DLGAP2: variants seen among roughly 807,000 people sequenced by gnomAD.
The protein encoded by DLGAP2 is disks large-associated protein 2.
Under a neutral mutation model 100.3 loss-of-function variants are expected in DLGAP2, and 26 were observed. The observed-to-expected ratio is 0.26, with a 90% CI of 0.19 to 0.36. The LOEUF is 0.36. DLGAP2 is among the 10% of genes least tolerant of loss of function. The pLI is 1.00. For missense variants in DLGAP2, 1,858 were observed against 1,453.2 expected (o/e 1.28, Z -4.53); for synonymous variants, 886 against 630.1 (o/e 1.41, Z -6.08).
At chr8:1,026,719 C>G (rs995497929) in intron 2 of DLGAP2, among the ~76,000 whole-genome samples, 2 of 152,186 alleles carry the variant, frequency 1.3e-5, no homozygotes, top group Admixed American at 1.3e-4. Flanking sequence ...ATATGGAATA[C>G]TGCACATGGC....
chr8:1,582,371 G>T (rs553359804), intron 6 of DLGAP2, among the ~76,000 whole-genome samples: 1 of 151,354 alleles, frequency 6.6e-6, no homozygotes, highest in South Asian at 2.1e-4. Flanking sequence ...GAAGAATAAA[G>T]AATTACAGCA....
Position 1,704,875 on chromosome 8 carries a change from G to A in DLGAP2, c.*3469G>A, listed in dbSNP as rs183648622. On this transcript the variant is annotated 3_prime_UTR_variant, in exon 15 of 15. Transcript: ENST00000637795. ...CAGGTTTATTATTAGAAGACACAGT[G>A]GCAGAGCACACATGTGCACAGGTTC... is the stretch of plus-strand genomic sequence containing the variant. 8 of 152,290 alleles carry A rather than the reference G, an allele frequency of 5.3e-5. No homozygotes were observed. The highest frequency in any genetic ancestry group is 5.2e-4 in the Admixed American group (8 of 15,296). The allele number at this position is 152,290 out of a possible 1,614,324, so 9.4% of individuals were successfully genotyped here. A position where few individuals can be genotyped will look rare whatever the true frequency, so the allele number is the denominator to read the frequency against.
intron 3 of DLGAP2, among the ~76,000 whole-genome samples, chr8:1,420,739 G>A (rs1797067303): frequency 6.6e-6 from 1 of 151,888 alleles, no homozygotes; most frequent in South Asian, 2.1e-4. Flanking sequence ...ACATAACTCA[G>A]CTCCCTGGCT....
intron 1 of DLGAP2, among the ~76,000 whole-genome samples, chr8:792,971 C>T (rs1283035990): frequency 6.6e-6 from 1 of 152,196 alleles, no homozygotes; most frequent in Non-Finnish European, 1.5e-5. Context: ...GAGTTGTCTT[C>T]CCCACCCTTC....
intron 1 of DLGAP2, among the ~76,000 whole-genome samples, chr8:769,809 T>A (rs1050044734): frequency 2.0e-5 from 3 of 152,088 alleles, no homozygotes; most frequent in African/African-American, 7.2e-5. Context: ...GAAGCCACAT[T>A]GTATGCATCC....
At chr8:1,036,442 C>A (rs1472697731) in intron 2 of DLGAP2, among the ~76,000 whole-genome samples, 1 of 152,228 alleles carries the variant, frequency 6.6e-6, no homozygotes, top group Admixed American at 6.5e-5. Flanking sequence ...TCCAGGGGAC[C>A]CTACACGGGG....
At chr8:909,215 C>T (rs931013812) in intron 2 of DLGAP2, among the ~76,000 whole-genome samples, 2 of 152,102 alleles carry the variant, frequency 1.3e-5, no homozygotes, top group African/African-American at 4.8e-5. Context: ...TTTTGGGCCT[C>T]TTTTTATTTT....
At chr8:1,671,486 G>A (rs1267382136) in intron 10 of DLGAP2, among the ~76,000 whole-genome samples, 1 of 152,212 alleles carries the variant, frequency 6.6e-6, no homozygotes, top group Non-Finnish European at 1.5e-5. Context: ...CGCCCTCTGT[G>A]AGTCACTGGC....
At chr8:1,632,174 A>T (rs923544737) in intron 7 of DLGAP2, among the ~76,000 whole-genome samples, 16 of 152,152 alleles carry the variant, frequency 1.1e-4, no homozygotes, top group South Asian at 2.1e-4. Flanking sequence ...AAGGAAGAAT[A>T]AAAAAAGCCT....
At chr8:1,506,052 ATACT>A (rs1398743053) in intron 4 of DLGAP2, among the ~76,000 whole-genome samples, 3 of 152,234 alleles carry the variant, frequency 2.0e-5, no homozygotes, top group African/African-American at 7.2e-5. Flanking sequence ...TATTAAAATA[ATACT>A]TAGAGCCTTC....
chr8:924,919 T>C (rs1346197701), intron 2 of DLGAP2, among the ~76,000 whole-genome samples: 1 of 152,184 alleles, frequency 6.6e-6, no homozygotes, highest in Non-Finnish European at 1.5e-5. Context: ...CCAGACGTTG[T>C]GAAGGCCTGC....
intron 6 of DLGAP2, among the ~76,000 whole-genome samples, chr8:1,605,303 G>C (rs150436908): frequency 1.3e-4 from 20 of 152,124 alleles, no homozygotes; most frequent in African/African-American, 4.3e-4. Context: ...AATTTGAGCC[G>C]AAGATGGTTA....
intron 1 of DLGAP2, among the ~76,000 whole-genome samples, chr8:850,036 C>G (rs1308527700): frequency 4.9e-4 from 72 of 146,472 alleles, no homozygotes; most frequent in Non-Finnish European, 9.6e-4. Context: ...GCACTCCAGC[C>G]TGGGCAACAG....
intron 2 of DLGAP2, among the ~76,000 whole-genome samples, chr8:1,104,515 G>T (rs1445774074): frequency 6.6e-6 from 1 of 152,194 alleles, no homozygotes; most frequent in African/African-American, 2.4e-5. Context: ...TCTTCAGAGG[G>T]ACTTGAACTC....
chr8:1,491,944 G>T (rs993149175), intron 3 of DLGAP2, among the ~76,000 whole-genome samples: 1 of 152,236 alleles, frequency 6.6e-6, no homozygotes, highest in African/African-American at 2.4e-5. Flanking sequence ...GGGACGCGAG[G>T]GGGTGACGAG....
chr8:841,373 C>T (rs1796981062), intron 1 of DLGAP2, among the ~76,000 whole-genome samples: 1 of 152,198 alleles, frequency 6.6e-6, no homozygotes, highest in Non-Finnish European at 1.5e-5. Context: ...GCTCTGAGTC[C>T]TTGGGACACA....
chr8:1,624,611 T>C (rs1195652556), intron 6 of DLGAP2, among the ~76,000 whole-genome samples: 3 of 151,766 alleles, frequency 2.0e-5, no homozygotes, highest in African/African-American at 4.8e-5. Context: ...ACAGCCAAGG[T>C]CAGGGATCCG....
intron 2 of DLGAP2, among the ~76,000 whole-genome samples, chr8:981,289 G>C (rs942947970): frequency 6.6e-6 from 1 of 152,122 alleles, no homozygotes; most frequent in Non-Finnish European, 1.5e-5. Flanking sequence ...CTCCTTGTAG[G>C]CATAGACCAT....
intron 2 of DLGAP2, among the ~76,000 whole-genome samples, chr8:1,101,760 C>T (rs1442382306): frequency 4.3e-5 from 4 of 93,198 alleles, no homozygotes; most frequent in African/African-American, 1.4e-4. Context: ...ACCCCTGAGC[C>T]GAACACGACA....
Sources: allele counts gnomAD v4.1 joint callset (sites outside exome capture counted in the v4.1 genomes callset), GRCh38; gene constraint gnomAD v4.1.1; transcripts MANE v1.5; gene names NCBI Gene and HGNC (gene_info 2026-07-23, HGNC 2026-07-21).